SENP7: variants seen among roughly 807,000 people sequenced by gnomAD.
The protein encoded by SENP7 is SUMO specific peptidase 7.
A neutral mutation model predicts 141.2 loss-of-function variants in SENP7; 64 were observed. The observed-to-expected ratio is 0.45, with a 90% CI of 0.37 to 0.56. The LOEUF (loss-of-function observed/expected upper bound fraction) is 0.56, where lower values mean the gene tolerates loss of function less well. Among genes scored for constraint, SENP7 ranks in the 20% least tolerant of loss-of-function variants. The pLI is 0.00. For missense variants in SENP7, 1,025 were observed against 1,212.2 expected (o/e 0.85, Z 2.29); for synonymous variants, 382 against 426.4 (o/e 0.90, Z 1.28).
At chr3:101,440,648 GAA>G (rs1295719041) in intron 4 of SENP7, among the ~76,000 whole-genome samples, 8 of 146,784 alleles carry the variant, frequency 5.5e-5, no homozygotes, top group Non-Finnish European at 1.0e-4. Context: ...ATGAAGGAGA[GAA>G]AGTTTTCCAA....
intron 6 of SENP7, among the ~76,000 whole-genome samples, chr3:101,372,861 T>C (rs1213920565): frequency 6.6e-6 from 1 of 151,948 alleles, no homozygotes; most frequent in Non-Finnish European, 1.5e-5. Flanking sequence ...AATTTAAATC[T>C]GAAAAAATAG....
At chr3:101,331,392 A>G (rs575900836) in intron 19 of SENP7, among the ~76,000 whole-genome samples, 1 of 151,568 alleles carries the variant, frequency 6.6e-6, no homozygotes, top group East Asian at 2.0e-4. Flanking sequence ...GTAAGGCAGG[A>G]GGATTACTTG....
At chr3:101,362,827 C>T (rs1225239887) in intron 10 of SENP7, among the ~76,000 whole-genome samples, 1 of 152,214 alleles carries the variant, frequency 6.6e-6, no homozygotes, top group African/African-American at 2.4e-5. Flanking sequence ...ATCACTTCCA[C>T]TCAAGTGACT....
In SENP7 at chr3:101,325,930, T is replaced by C. The variant is rs1423123967; in HGVS notation, c.*13A>G. 1.9e-6 allele frequency: 3 copies of C among 1,603,146 alleles called. No individual in the cohort carries two copies. The Admixed American group carries it at 5.1e-5, about 28-fold the overall frequency. Reference sequence around the variant, plus strand: ...ATCTTAGAGAACATCTGTGTCATGTTTGTACAGATTAACTAGCTACTGCTG... The same window carrying C: ...ATCTTAGAGAACATCTGTGTCATGTCTGTACAGATTAACTAGCTACTGCTG... On this transcript the variant is annotated 3_prime_UTR_variant, in exon 24 of 24. Transcript: ENST00000394095.
chr3:101,331,491 T>C (rs1418217340), intron 19 of SENP7, among the ~76,000 whole-genome samples: 2 of 148,642 alleles, frequency 1.3e-5, no homozygotes, highest in Admixed American at 6.7e-5. Context: ...AAAAAGTATG[T>C]TGTACATAGT....
At chr3:101,364,029 A>C (rs1029121481) in intron 10 of SENP7, among the ~76,000 whole-genome samples, 7 of 152,092 alleles carry the variant, frequency 4.6e-5, no homozygotes, top group African/African-American at 1.7e-4. Flanking sequence ...ACCAGCCTGG[A>C]CAACAAAGAG....
chr3:101,474,982 C>T (rs1023222057), intron 3 of SENP7, among the ~76,000 whole-genome samples: 1 of 152,152 alleles, frequency 6.6e-6, no homozygotes, highest in Non-Finnish European at 1.5e-5. Context: ...AAACTCACTT[C>T]ACCTATAAAG....
At chr3:101,395,282 C>T (rs904443818) in intron 6 of SENP7, among the ~76,000 whole-genome samples, 5 of 152,154 alleles carry the variant, frequency 3.3e-5, no homozygotes, top group African/African-American at 1.2e-4. Flanking sequence ...AGTTTCAGGT[C>T]TTACGTTTAA....
chr3:101,329,042 T>C (rs2058976953), intron 20 of SENP7, among the ~76,000 whole-genome samples: 1 of 152,204 alleles, frequency 6.6e-6, no homozygotes, highest in South Asian at 2.1e-4. Flanking sequence ...TAGAGACACA[T>C]TTCTTCCCTT....
At position 101,378,211 on chromosome 3, in the gene SENP7, C is replaced by A. The variant is rs562082338; in HGVS notation, c.678-6085G>T. Among the ~76,000 whole-genome samples the A allele has an allele frequency of 1.7e-4, 25 of 151,100 alleles. No homozygotes were observed. The South Asian group carries it at 2.9e-3, about 18-fold the overall frequency. On this transcript the variant is annotated intron_variant, in intron 6 of 23. Transcript: ENST00000394095. Reference sequence around the variant, plus strand: ...AAAAGCCACTCTAAAAGAAAAAAAACCACAGTTTGACAACAAGTATCAGAA... The same window carrying A: ...AAAAGCCACTCTAAAAGAAAAAAAAACACAGTTTGACAACAAGTATCAGAA...
At chr3:101,435,880 A>G (rs1447307692) in intron 4 of SENP7, among the ~76,000 whole-genome samples, 1 of 152,164 alleles carries the variant, frequency 6.6e-6, no homozygotes, top group Non-Finnish European at 1.5e-5. Context: ...TGCAATCCCC[A>G]TCAAAACACC....
chr3:101,409,962 GCAT>G (rs2061408405), intron 5 of SENP7, among the ~76,000 whole-genome samples: 1 of 152,160 alleles, frequency 6.6e-6, no homozygotes, highest in Non-Finnish European at 1.5e-5. Context: ...AAGAGCTTTT[GCAT>G]ACCAAAAGGA....
intron 4 of SENP7, among the ~76,000 whole-genome samples, chr3:101,437,285 T>C (rs1451537856): frequency 6.6e-6 from 1 of 152,098 alleles, no homozygotes; most frequent in Non-Finnish European, 1.5e-5. Context: ...AAAAATAGAA[T>C]GAATAAAACC....
intron 5 of SENP7, among the ~76,000 whole-genome samples, chr3:101,410,779 AG>A (rs2107627843): frequency 6.6e-6 from 1 of 151,880 alleles, no homozygotes; most frequent in Admixed American, 6.6e-5. Flanking sequence ...TGGAAGGCGG[AG>A]GTTGCAGTGA....
chr3:101,449,791 C>T (rs997874054), intron 4 of SENP7, among the ~76,000 whole-genome samples: 1 of 152,134 alleles, frequency 6.6e-6, no homozygotes, highest in African/African-American at 2.4e-5. Context: ...ACCATCGAGG[C>T]TAGGAAGAAA....
At chr3:101,332,644 A>T (rs562613036) in intron 18 of SENP7, 126 bp downstream of exon 18, 8 of 537,558 alleles carry the variant, frequency 1.5e-5, no homozygotes, top group East Asian at 1.4e-4. Flanking sequence ...ACTTTTATTT[A>T]AAAAAATTAA....
chr3:101,354,316 A>G (rs115860658), intron 11 of SENP7, among the ~76,000 whole-genome samples: 1 of 152,248 alleles, frequency 6.6e-6, no homozygotes, highest in East Asian at 1.9e-4. Flanking sequence ...CTATACATGT[A>G]AACCTGTGTC....
At chr3:101,348,105 C>T in intron 12 of SENP7, 54 bp from the exon 13 acceptor site, 5 of 1,211,690 alleles carry the variant, frequency 4.1e-6, no homozygotes, top group Non-Finnish European at 5.7e-6. Flanking sequence ...AAGAATACAC[C>T]ACTTAAACAT....
intron 12 of SENP7, among the ~76,000 whole-genome samples, chr3:101,349,568 A>G (rs2059561085): frequency 6.6e-6 from 1 of 152,128 alleles, no homozygotes; most frequent in Admixed American, 6.6e-5. Context: ...TAGCATTAGG[A>G]GATATACCTA....
Sources: allele counts gnomAD v4.1 joint callset (sites outside exome capture counted in the v4.1 genomes callset), GRCh38; gene constraint gnomAD v4.1.1; transcripts MANE v1.5; gene names NCBI Gene and HGNC (gene_info 2026-07-23, HGNC 2026-07-21).